The following POLQ variants were observed in gnomAD, a reference collection of about 807,000 sequenced individuals.
POLQ encodes DNA polymerase theta.
In POLQ, 233 loss-of-function variants were observed where a neutral mutation model predicts 259.2. That is an observed-to-expected ratio of 0.90 (90% confidence interval 0.81 to 1.00). POLQ has a LOEUF of 1.00. POLQ is among the 50% of genes least tolerant of loss of function. The probability of loss-of-function intolerance (pLI) is 0.00; values close to 1 mark genes in which losing one functional copy is unlikely to be tolerated. For missense variants in POLQ, 2,871 were observed against 3,051.6 expected (o/e 0.94, Z 1.39); for synonymous variants, 1,025 against 1,048.8 (o/e 0.98, Z 0.44).
In POLQ at chr3:121,544,764, A is replaced by T. The variant is rs1490010681; in HGVS notation, c.306T>A (p.Leu102=). 6.2e-7 allele frequency: 1 copy of T among 1,613,396 alleles called. No individual in the cohort carries two copies. Among genetic ancestry groups the T allele is most frequent in the South Asian group, 1.1e-5 (1 of 91,020 alleles). Residue 102 remains leucine (L), a synonymous_variant, in exon 2 of 30, where the codon CTT becomes CTA. Transcript: ENST00000264233. ...MFEWQAECLL[L]GQVLEGKNLV... ...AATTCTTTCCTTCCAGGACTTGTCC[A>T]AGCAAAAGGCACTCTGCCTGCCATT...
intron 15 of POLQ, among the ~76,000 whole-genome samples, chr3:121,491,075 G>A (rs2048064622): frequency 6.6e-6 from 1 of 151,896 alleles, no homozygotes; most frequent in African/African-American, 2.4e-5. Context: ...TTAAAAGGCT[G>A]TGCGCAGTGG....
chr3:121,545,655 C>A, intron 1 of POLQ, 60 bp downstream of exon 1: 1 of 1,473,352 alleles, frequency 6.8e-7, no homozygotes, highest in Non-Finnish European at 9.1e-7. Flanking sequence ...GGACACCTCC[C>A]GACCCATGGC....
intron 7 of POLQ, among the ~76,000 whole-genome samples, chr3:121,523,650 G>T (rs1410033350): frequency 6.6e-6 from 1 of 152,090 alleles, no homozygotes; most frequent in Non-Finnish European, 1.5e-5. Flanking sequence ...ATGAGGTAGA[G>T]ATTACAGTGA....
At chr3:121,455,678 A>C (rs2047729053) in intron 25 of POLQ, among the ~76,000 whole-genome samples, 1 of 152,232 alleles carries the variant, frequency 6.6e-6, no homozygotes, top group Non-Finnish European at 1.5e-5. Flanking sequence ...CCCAAGACTA[A>C]ACCAGGAAGA....
At position 121,487,618 on chromosome 3, in the gene POLQ, A is replaced by C. The variant is rs761881759; in HGVS notation, c.5313T>G (p.Ser1771Arg). ...KTNNVLQPGE[S>R]YLFGSPSDIK... ...TATCTGAAGGTGAGCCAAATAAATA[A>C]CTTTCACCAGGTTGTAAAACATTAT... Residue 1771 changes from serine to arginine, a missense_variant, in exon 16 of 30, where the codon AGT (serine) becomes AGG (arginine). Transcript: ENST00000264233. 3.7e-6 allele frequency: 6 copies of C among 1,613,986 alleles called. No individual in the cohort carries two copies. Among genetic ancestry groups the C allele is most frequent in the Non-Finnish European group, 5.1e-6 (6 of 1,179,944 alleles).
intron 12 of POLQ, among the ~76,000 whole-genome samples, chr3:121,505,815 C>A (rs531385640): frequency 1.4e-4 from 21 of 148,872 alleles, no homozygotes; most frequent in Non-Finnish European, 2.4e-4. Context: ...TCAAGACCAG[C>A]CTGACCAATA....
At chr3:121,468,213 A>G (rs1447036976) in intron 23 of POLQ, 92 bp downstream of exon 23, 24 of 1,090,074 alleles carry the variant, frequency 2.2e-5, no homozygotes, top group Non-Finnish European at 3.0e-5. Flanking sequence ...ACATAAAATT[A>G]AATTAATTTC....
chr3:121,533,242 G>T (rs1028751468), intron 5 of POLQ, 33 bp from the exon 6 acceptor site: 16 of 1,361,160 alleles, frequency 1.2e-5, no homozygotes, highest in Non-Finnish European at 1.6e-5. Context: ...AACATTAAAA[G>T]ATATATAATA....
chr3:121,449,978 G>A (rs567418793), intron 25 of POLQ, among the ~76,000 whole-genome samples: 8 of 152,206 alleles, frequency 5.3e-5, no homozygotes, highest in South Asian at 2.1e-4. Context: ...AGAAAATTTC[G>A]GGAGTAGTGA....
chr3:121,469,613 T>A (rs923913228), intron 22 of POLQ, among the ~76,000 whole-genome samples: 2 of 152,182 alleles, frequency 1.3e-5, no homozygotes, highest in African/African-American at 4.8e-5. Flanking sequence ...GAGGAAGGCA[T>A]CCAAGGCTCT....
chr3:121,535,197 G>T (rs756988352), intron 5 of POLQ, among the ~76,000 whole-genome samples: 13 of 152,128 alleles, frequency 8.5e-5, no homozygotes, highest in Non-Finnish European at 1.9e-4. Context: ...CCAGCACAAT[G>T]ATTAAAAATA....
intron 20 of POLQ, 93 bp downstream of exon 20, chr3:121,476,447 C>T: frequency 1.2e-6 from 1 of 847,910 alleles, no homozygotes; most frequent in Non-Finnish European, 1.7e-6. Context: ...CTTTGGTGTT[C>T]AGGTAAATAC....
chr3:121,529,922 G>A, intron 6 of POLQ, 130 bp from the exon 7 acceptor site: 2 of 591,866 alleles, frequency 3.4e-6, no homozygotes, highest in Non-Finnish European at 2.8e-6. Flanking sequence ...CAGTTACAAA[G>A]TCAATAACAA....
chr3:121,525,634 C>T (rs555998026), intron 7 of POLQ, among the ~76,000 whole-genome samples: 4 of 152,190 alleles, frequency 2.6e-5, no homozygotes, highest in East Asian at 1.9e-4. Flanking sequence ...CATTTGCTGT[C>T]GTTTCAGTGC....
chr3:121,456,573 T>C (rs1441022415), intron 25 of POLQ, among the ~76,000 whole-genome samples: 2 of 152,020 alleles, frequency 1.3e-5, no homozygotes, highest in Non-Finnish European at 2.9e-5. Context: ...ATCACAAGCA[T>C]TCTTATACAC....
intron 25 of POLQ, among the ~76,000 whole-genome samples, chr3:121,452,176 G>A (rs1249302825): frequency 6.6e-6 from 1 of 152,198 alleles, no homozygotes; most frequent in Non-Finnish European, 1.5e-5. Flanking sequence ...TTTTCCAGGT[G>A]CCATCTGTCA....
chr3:121,486,131 G>T (rs983149068), intron 16 of POLQ, among the ~76,000 whole-genome samples: 2 of 152,200 alleles, frequency 1.3e-5, no homozygotes, highest in South Asian at 2.1e-4. Flanking sequence ...TATCATGGAG[G>T]TCTAAGTTCT....
At chr3:121,527,664 G>T (rs1472525935) in intron 7 of POLQ, among the ~76,000 whole-genome samples, 1 of 152,180 alleles carries the variant, frequency 6.6e-6, no homozygotes, top group Non-Finnish European at 1.5e-5. Flanking sequence ...AATAGTAAAT[G>T]CAGCTGCAGA....
At chr3:121,542,331 A>C (rs2048496327) in intron 2 of POLQ, among the ~76,000 whole-genome samples, 1 of 152,124 alleles carries the variant, frequency 6.6e-6, no homozygotes, top group Non-Finnish European at 1.5e-5. Context: ...AGGAGGCTGC[A>C]GTGAGTTGCA....
Sources: allele counts gnomAD v4.1 joint callset (sites outside exome capture counted in the v4.1 genomes callset), GRCh38; gene constraint gnomAD v4.1.1; transcripts MANE v1.5; gene names NCBI Gene and HGNC (gene_info 2026-07-23, HGNC 2026-07-21).